The following ANAPC10 variants were observed in gnomAD, a reference collection of about 807,000 sequenced individuals.
ANAPC10 encodes the protein anaphase-promoting complex subunit 10.
In ANAPC10, 12 loss-of-function variants were observed where a neutral mutation model predicts 22.0. The observed-to-expected ratio is 0.55, with a 90% CI of 0.35 to 0.88. The LOEUF (loss-of-function observed/expected upper bound fraction) is 0.88, where lower values mean the gene tolerates loss of function less well. Among genes scored for constraint, ANAPC10 ranks in the 40% least tolerant of loss-of-function variants. ANAPC10 has a pLI of 0.01. For synonymous variants in ANAPC10, 65 were observed against 69.5 expected (o/e 0.94, Z 0.32); for missense variants, 188 against 220.9 (o/e 0.85, Z 0.94).
chr4:145,025,650 G>A (rs1323022345), intron 4 of ANAPC10, among the ~76,000 whole-genome samples: 1 of 152,022 alleles, frequency 6.6e-6, no homozygotes. Flanking sequence ...GACCGTAACA[G>A]GTATAATATT....
chr4:144,999,088 G>C (rs1383435967), intron 4 of ANAPC10, among the ~76,000 whole-genome samples: 1 of 152,016 alleles, frequency 6.6e-6, no homozygotes, highest in Non-Finnish European at 1.5e-5. Context: ...TCCCTGAATA[G>C]ACCAATAACA....
intron 4 of ANAPC10, among the ~76,000 whole-genome samples, chr4:145,029,459 G>A (rs1737227949): frequency 6.6e-6 from 1 of 152,086 alleles, no homozygotes; most frequent in Admixed American, 6.6e-5. Context: ...CACTACAACT[G>A]AAAAGAACTG....
chr4:145,032,436 A>G (rs1384570259), intron 4 of ANAPC10, among the ~76,000 whole-genome samples: 4 of 152,244 alleles, frequency 2.6e-5, no homozygotes, highest in Admixed American at 1.3e-4. Flanking sequence ...GGGAAGAGGT[A>G]TGTGGATGGG....
chr4:145,018,152 C>T (rs1735476740), intron 4 of ANAPC10, among the ~76,000 whole-genome samples: 1 of 149,060 alleles, frequency 6.7e-6, no homozygotes. Flanking sequence ...TAAAATAAAG[C>T]ACAAATCTCA....
chr4:145,032,030 C>T (rs972804789), intron 4 of ANAPC10, among the ~76,000 whole-genome samples: 1 of 152,224 alleles, frequency 6.6e-6, no homozygotes, highest in African/African-American at 2.4e-5. Context: ...GAGGAAGTGG[C>T]TCGAATGCCC....
intron 4 of ANAPC10, among the ~76,000 whole-genome samples, chr4:145,018,226 A>G (rs2126970008): frequency 6.6e-6 from 1 of 152,126 alleles, no homozygotes; most frequent in South Asian, 2.1e-4. Context: ...ATCAAGGTAT[A>G]CAGGCAACAA....
intron 4 of ANAPC10, among the ~76,000 whole-genome samples, chr4:145,029,104 A>G (rs1246416160): frequency 6.6e-6 from 1 of 152,146 alleles, no homozygotes; most frequent in Non-Finnish European, 1.5e-5. Context: ...GGACCCTGAA[A>G]CTTGGAATTA....
Position 145,018,592 on chromosome 4 carries a change from C to G in ANAPC10, c.328-22989G>C, listed in dbSNP as rs148573614. 4.0e-5 allele frequency among the ~76,000 whole-genome samples: 6 copies of G among 151,774 alleles called. No individual in the cohort carries two copies. In the East Asian group the frequency reaches 1.2e-3, roughly 29 times the overall value. ...GGCAGAGTTTGCAGTGAGCCGAGAT[C>G]GTGCCATTGCACTCAGCCTGGGTGA... On this transcript the variant is annotated intron_variant, in intron 4 of 4. Transcript: ENST00000507656.
chr4:145,028,304 C>A (rs1010209746), intron 4 of ANAPC10, among the ~76,000 whole-genome samples: 2 of 152,048 alleles, frequency 1.3e-5, no homozygotes, highest in African/African-American at 2.4e-5. Flanking sequence ...ACGAGCCTAG[C>A]CTCCCAGCCT....
chr4:145,074,066 A>G (rs74342156), intron 3 of ANAPC10, among the ~76,000 whole-genome samples: 2,640 of 151,908 alleles, frequency 0.017, 69 homozygotes, highest in Admixed American at 0.074. Flanking sequence ...TCCTTAAAAA[A>G]TTATTAACGA....
chr4:145,007,575 C>A (rs912630718), intron 4 of ANAPC10, among the ~76,000 whole-genome samples: 7 of 152,170 alleles, frequency 4.6e-5, no homozygotes, highest in African/African-American at 1.7e-4. Flanking sequence ...TCCTGAATGA[C>A]TACTGGGTAC....
chr4:145,058,455 A>G (rs1026277434), intron 4 of ANAPC10, among the ~76,000 whole-genome samples: 2 of 152,204 alleles, frequency 1.3e-5, no homozygotes, highest in African/African-American at 4.8e-5. Flanking sequence ...TACTTACTAT[A>G]CTAAATGGCA....
intron 3 of ANAPC10, among the ~76,000 whole-genome samples, chr4:145,065,819 T>C (rs1273116311): frequency 6.6e-6 from 1 of 151,994 alleles, no homozygotes; most frequent in African/African-American, 2.4e-5. Flanking sequence ...TGTAAATCTA[T>C]ATTTGTATAT....
At chr4:145,035,215 G>A (rs561101438) in intron 4 of ANAPC10, 1 of 152,172 alleles carries the variant, frequency 6.6e-6, no homozygotes, top group South Asian at 2.1e-4. Flanking sequence ...GGCTAGATTG[G>A]TATTAACTTC....
At chr4:145,096,792 C>T (rs1748597301) in intron 1 of ANAPC10, among the ~76,000 whole-genome samples, 1 of 152,056 alleles carries the variant, frequency 6.6e-6, no homozygotes, top group African/African-American at 2.4e-5. Context: ...TCAAGCGATC[C>T]TCCCACCTCA....
intron 4 of ANAPC10, among the ~76,000 whole-genome samples, chr4:144,999,006 G>GA (rs1252334554): frequency 1.3e-5 from 2 of 152,054 alleles, no homozygotes; most frequent in Non-Finnish European, 2.9e-5. Context: ...AAATAAACTA[G>GA]AAAATCTACA....
chr4:145,075,763 G>A lies in ANAPC10; in HGVS notation c.206+5897C>T, dbSNP rs187157241. ...CCCCCCAGGCATCTGAACCAGCAGG[G>A]AGTGCTGCTTGGAGAGTTAGCAGGC... On this transcript the variant is annotated intron_variant, in intron 3 of 4. Coordinates refer to ENST00000507656, the MANE Select transcript of ANAPC10 (RefSeq NM_001256706.2). Among the ~76,000 whole-genome samples, 409 of 152,300 alleles carry A rather than the reference G, an allele frequency of 2.7e-3. 11 individuals are homozygous for A. Among genetic ancestry groups the A allele is most frequent in the Admixed American group, 0.024 (367 of 15,308 alleles).
intron 4 of ANAPC10, among the ~76,000 whole-genome samples, chr4:145,036,631 T>C (rs1738578959): frequency 6.6e-6 from 1 of 152,170 alleles, no homozygotes; most frequent in Non-Finnish European, 1.5e-5. Flanking sequence ...TATAAGCATA[T>C]GCCATCATAC....
intron 4 of ANAPC10, among the ~76,000 whole-genome samples, chr4:145,000,548 A>G (rs1312876600): frequency 1.3e-5 from 2 of 152,352 alleles, no homozygotes; most frequent in East Asian, 1.9e-4. Context: ...TCAGGAAACA[A>G]CAGGTGCTGG....
Sources: gnomAD v4.1 joint callset for allele counts (sites outside exome capture counted in the v4.1 genomes callset) on GRCh38, gnomAD v4.1.1 for gene constraint, MANE v1.5 for transcripts, NCBI Gene and HGNC (gene_info 2026-07-23, HGNC 2026-07-21) for gene names.